MGAT1: variants seen among roughly 807,000 people sequenced by gnomAD.
The protein encoded by MGAT1 is alpha-1,3-mannosyl-glycoprotein 2-beta-N-acetylglucosaminyltransferase.
Under a neutral mutation model 31.7 loss-of-function variants are expected in MGAT1, and 14 were observed. That is an observed-to-expected ratio of 0.44 (90% CI 0.29 to 0.69). MGAT1 has a LOEUF of 0.69. Among genes scored for constraint, MGAT1 ranks in the 30% least tolerant of loss-of-function variants. The pLI is 0.12. For synonymous variants in MGAT1, 338 were observed against 276.0 expected, an observed-to-expected ratio of 1.22 and a Z score of -2.23; for missense variants, 557 against 626.0, an observed-to-expected ratio of 0.89 and a Z score of 1.18.
intron 1 of MGAT1, among the ~76,000 whole-genome samples, chr5:180,800,902 G>T (rs1168148705): frequency 6.6e-6 from 1 of 152,238 alleles, no homozygotes; most frequent in Non-Finnish European, 1.5e-5. Flanking sequence ...AGACTGGCAT[G>T]CAAGGCACAG....
At position 180,789,470 on chromosome 5, in the gene MGAT1, A is replaced by G. The variant is rs561981954; in HGVS notation, c.*2164T>C. On this transcript the variant is annotated 3_prime_UTR_variant, in exon 2 of 2. Coordinates refer to ENST00000307826, the MANE Select transcript of MGAT1 (RefSeq NM_002406.4). Reference sequence around the variant, plus strand: ...GCTAATTTTTGTATTTTTAGTAGAGATGGGGTTTCACCATGTTAGCCAGGC... The same window carrying G: ...GCTAATTTTTGTATTTTTAGTAGAGGTGGGGTTTCACCATGTTAGCCAGGC... The G allele has an allele frequency of 6.6e-6, 1 of 152,114 alleles. No individual in the cohort carries two copies. The highest frequency in any genetic ancestry group is 1.5e-5 in the Non-Finnish European group (1 of 68,072). The allele number at this position is 152,114 out of a possible 1,614,324, so 9.4% of individuals were successfully genotyped here. A position where few individuals can be genotyped will look rare whatever the true frequency, so the allele number is the denominator to read the frequency against.
In MGAT1 at chr5:180,791,613, C is replaced by A. The variant is rs80118427; in HGVS notation, c.*21G>T. ...CAGCTCATGATGTGGCAAGGAGGGG[C>A]CCAGGAAGGACAGGCAGGTGCTAAT... On this transcript the variant is annotated 3_prime_UTR_variant, in exon 2 of 2. Coordinates refer to ENST00000307826, the MANE Select transcript of MGAT1 (RefSeq NM_002406.4). The A allele has an allele frequency of 1.2e-3, 1,966 of 1,608,040 alleles. 28 individuals are homozygous for A. The East Asian group carries it at 0.034, about 28-fold the overall frequency.
intron 1 of MGAT1, among the ~76,000 whole-genome samples, chr5:180,800,505 G>C (rs1268335364): frequency 6.6e-6 from 1 of 152,210 alleles, no homozygotes; most frequent in Non-Finnish European, 1.5e-5. Context: ...GTTGGCAGCA[G>C]CTGAGACCTT....
At chr5:180,805,148 G>C (rs1771664634), upstream of MGAT1, among the ~76,000 whole-genome samples, 1 of 152,068 alleles carries the variant, frequency 6.6e-6, no homozygotes, top group African/African-American at 2.4e-5. Flanking sequence ...AGAAACAAGG[G>C]GCCAGGATTC....
intron 1 of MGAT1, among the ~76,000 whole-genome samples, chr5:180,802,431 C>G (rs1354572721): frequency 6.6e-6 from 1 of 152,130 alleles, no homozygotes; most frequent in Non-Finnish European, 1.5e-5. Context: ...GTCCGCGGAG[C>G]CCGCCCTTCC....
rs1768464417 is a variant in MGAT1 at position 180,792,724 on chromosome 5, C to T, written c.248G>A (p.Arg83Gln). ...QQIGDALSSQ[R>Q]GRVPTAAPPA... Reference sequence around the variant, plus strand: ...AGGGGCCGCGGTGGGCACCCTCCCCCGCTGGCTCGACAGGGCATCCCCGAT... The same window carrying T: ...AGGGGCCGCGGTGGGCACCCTCCCCTGCTGGCTCGACAGGGCATCCCCGAT... The change falls in exon 2 of 2, where the codon CGG becomes CAG. Residue 83 changes from arginine (R) to glutamine (Q), a missense_variant. By Grantham distance (43) the Arg-to-Gln change is conservative. This residue lies in a region of MGAT1 where 167 missense variants were observed against 149.8 expected (regional missense o/e 1.11). Transcript: ENST00000307826. The T allele has an allele frequency of 2.6e-6, 4 of 1,546,702 alleles. No individual in the cohort carries two copies. The highest frequency in any genetic ancestry group is 2.4e-5 in the East Asian group (1 of 41,276).
intron 1 of MGAT1, chr5:180,811,261 T>G (rs1054834952): frequency 1.3e-5 from 2 of 152,226 alleles, no homozygotes; most frequent in Non-Finnish European, 2.9e-5. Flanking sequence ...CGGACTGACT[T>G]AACATTTCCA....
chr5:180,802,557 A>C (rs1284138311), intron 1 of MGAT1, 123 bp downstream of exon 1: 1 of 152,256 alleles, frequency 6.6e-6, no homozygotes, highest in Non-Finnish European at 1.5e-5. Context: ...TCCCCAGCCA[A>C]GCCCCCTCTC....
Position 180,790,044 on chromosome 5 carries a change from C to T in MGAT1, c.*1590G>A, listed in dbSNP as rs970680899. 6.6e-6 allele frequency: 1 copy of T among 152,250 alleles called. No homozygotes were observed. The highest frequency in any genetic ancestry group is 1.5e-5 in the Non-Finnish European group (1 of 68,076). The allele number at this position is 152,250 out of a possible 1,614,324, so 9.4% of individuals were successfully genotyped here. On this transcript the variant is annotated 3_prime_UTR_variant, in exon 2 of 2. Transcript: ENST00000307826. The stretch of plus-strand genomic sequence containing the variant: ...TGGGTATTAGCAAAACAGGCACTCT[C>T]ACTGGGGTTGCGTTTGGGAGTCCAA...
At position 180,787,628 on chromosome 5, in the gene MGAT1, A is replaced by G. The variant is rs1011347901; in HGVS notation, c.*4006T>C. ...GCGTGTGCAGTATGTTGTATCTAAA[A>G]TGAACATGTAATACGAAAAGCCAGT... On this transcript the variant is annotated 3_prime_UTR_variant, in exon 2 of 2. Transcript: ENST00000307826. The G allele has an allele frequency of 7.2e-5, 11 of 152,268 alleles. No individual in the cohort carries two copies. Among genetic ancestry groups the G allele is most frequent in the Admixed American group, 2.0e-4 (3 of 15,286 alleles). 9.4% of individuals were successfully genotyped at this position (152,268 alleles called of 1,614,324 possible).
At chr5:180,808,374 C>A (rs550026028) in intron 2 of MGAT1, 30 of 149,892 alleles carry the variant, frequency 2.0e-4, no homozygotes, top group African/African-American at 7.4e-4. Flanking sequence ...TCTAATCCAA[C>A]CTCCCTTCAG....
chr5:180,810,903 C>T (rs1772511237), intron 1 of MGAT1: 1 of 152,226 alleles, frequency 6.6e-6, no homozygotes, highest in South Asian at 2.1e-4. Context: ...GCGGCCGGGC[C>T]CGCCGTCGCC....
intron 1 of MGAT1, among the ~76,000 whole-genome samples, chr5:180,794,977 T>A (rs1769025103): frequency 6.6e-6 from 1 of 152,190 alleles, no homozygotes. Flanking sequence ...GGTTTACTCA[T>A]AGAATGGAAT....
chr5:180,794,574 C>A (rs1288348169), intron 1 of MGAT1, among the ~76,000 whole-genome samples: 1 of 152,054 alleles, frequency 6.6e-6, no homozygotes, highest in Non-Finnish European at 1.5e-5. Context: ...ACTTAAAATT[C>A]CCAAGGCAAA....
intron 1 of MGAT1, among the ~76,000 whole-genome samples, chr5:180,812,591 TAACAG>T (rs1444898714): frequency 6.6e-6 from 1 of 152,004 alleles, no homozygotes; most frequent in Non-Finnish European, 1.5e-5. Flanking sequence ...CACACATACA[TAACAG>T]GTACAAATTT....
intron 1 of MGAT1, among the ~76,000 whole-genome samples, chr5:180,797,218 G>T (rs958236968): frequency 1.3e-5 from 2 of 152,008 alleles, no homozygotes; most frequent in Non-Finnish European, 2.9e-5. Flanking sequence ...CCAACATGGC[G>T]AAACCCCATC....
rs72549457 is a variant in MGAT1, at chr5:180,792,882, C to T, written c.90G>A (p.Thr30=). 4.9e-3 allele frequency: 7,847 copies of T among 1,596,874 alleles called. 29 individuals carry two copies. The highest frequency in any genetic ancestry group is 6.0e-3 in the Non-Finnish European group (7,085 of 1,172,480). The change falls in exon 2 of 2, where the codon ACG becomes ACA. Residue 30 remains threonine (T), a synonymous_variant. Coordinates refer to ENST00000307826, the MANE Select transcript of MGAT1 (RefSeq NM_002406.4). ...AGGGTGGCCTGCCAGGTGCTGGGCG[C>T]GTCCAGAAGAAGAGGAGCAGCAGGG... ...WNALLLLFFW[T]RPAPGRPPSV... is the part of the protein sequence containing the mutation.
chr5:180,797,967 C>T (rs551605955), intron 1 of MGAT1, among the ~76,000 whole-genome samples: 2 of 152,332 alleles, frequency 1.3e-5, no homozygotes, highest in Admixed American at 6.5e-5. Context: ...GAGCCATACA[C>T]CCTCTCACAA....
At chr5:180,808,824 G>C (rs901141035) in exon 2 of MGAT1, 3 of 152,272 alleles carry the variant, frequency 2.0e-5, no homozygotes, top group African/African-American at 7.2e-5. Context: ...GGGGGGAAGG[G>C]GTGTGTCCAG....
Sources: gnomAD v4.1 joint callset for allele counts (sites outside exome capture counted in the v4.1 genomes callset) on GRCh38, gnomAD v4.1.1 for gene constraint, gnomAD v4.1.1 regional missense constraint, MANE v1.5 for transcripts, NCBI Gene and HGNC (gene_info 2026-07-23, HGNC 2026-07-21) for gene names.